CPQ: variants seen among roughly 807,000 people sequenced by gnomAD.
The protein encoded by CPQ is Ser-Met dipeptidase.
In CPQ, 37 loss-of-function variants were observed where a neutral mutation model predicts 45.7. The observed-to-expected ratio is 0.81, with a 90% confidence interval of 0.62 to 1.07. The LOEUF is 1.07. Among genes scored for constraint, CPQ ranks in the 50% least tolerant of loss-of-function variants. The probability of loss-of-function intolerance (pLI) is 0.00; values close to 1 mark genes in which losing one functional copy is unlikely to be tolerated. For missense variants in CPQ, 537 were observed against 572.9 expected (o/e 0.94, Z 0.64); for synonymous variants, 186 against 205.8 (o/e 0.90, Z 0.82).
intron 7 of CPQ, among the ~76,000 whole-genome samples, chr8:97,128,008 T>A (rs2130618302): frequency 6.6e-6 from 1 of 152,386 alleles, no homozygotes; most frequent in Non-Finnish European, 1.5e-5. Flanking sequence ...GTCTTATTGC[T>A]GTAGTAGTCA....
At chr8:96,845,432 C>T (rs1353911899) in intron 3 of CPQ, among the ~76,000 whole-genome samples, 7 of 152,156 alleles carry the variant, frequency 4.6e-5, no homozygotes, top group Non-Finnish European at 1.0e-4. Flanking sequence ...TCATCTAAGA[C>T]AATAGAGAAC....
At chr8:96,929,579 T>C (rs1024448158) in intron 4 of CPQ, among the ~76,000 whole-genome samples, 11 of 152,192 alleles carry the variant, frequency 7.2e-5, no homozygotes, top group Admixed American at 6.6e-4. Context: ...ACTCTCACGG[T>C]TTTGTTCAGC....
chr8:97,056,584 A>G (rs1810458880), intron 6 of CPQ: 1 of 152,116 alleles, frequency 6.6e-6, no homozygotes, highest in Non-Finnish European at 1.5e-5. Context: ...TCCACTTTAA[A>G]TTTTTTGCTA....
chr8:96,989,780 A>C (rs1005426855), intron 5 of CPQ, among the ~76,000 whole-genome samples: 3 of 152,136 alleles, frequency 2.0e-5, no homozygotes, highest in African/African-American at 4.8e-5. Flanking sequence ...TTTCTTCTTC[A>C]GTAGCTTTGA....
intron 3 of CPQ, among the ~76,000 whole-genome samples, chr8:96,868,947 T>G (rs1812029219): frequency 6.6e-6 from 1 of 152,010 alleles, no homozygotes; most frequent in African/African-American, 2.4e-5. Flanking sequence ...TAAATAATTT[T>G]TAGAGCATTT....
At chr8:97,122,720 A>G (rs1181332060) in intron 7 of CPQ, among the ~76,000 whole-genome samples, 1 of 151,242 alleles carries the variant, frequency 6.6e-6, no homozygotes, top group Non-Finnish European at 1.5e-5. Flanking sequence ...TCGCATCTCT[A>G]CTAAAGATAC....
chr8:96,750,931 C>T (rs891605681), intron 1 of CPQ, among the ~76,000 whole-genome samples: 3 of 152,118 alleles, frequency 2.0e-5, no homozygotes, highest in Non-Finnish European at 2.9e-5. Context: ...ATAATGGCTT[C>T]CAGCTCCATC....
intron 4 of CPQ, among the ~76,000 whole-genome samples, chr8:96,942,553 T>C (rs1313541093): frequency 6.6e-6 from 1 of 152,196 alleles, no homozygotes. Context: ...CTATGGCTCC[T>C]CTAGCTGATA....
chr8:97,096,531 A>G (rs1231915939), intron 7 of CPQ, among the ~76,000 whole-genome samples: 2 of 152,224 alleles, frequency 1.3e-5, no homozygotes, highest in African/African-American at 4.8e-5. Flanking sequence ...AAATGGAAAG[A>G]GAGAAAGTTT....
chr8:96,913,809 T>C (rs1812698023), intron 4 of CPQ, among the ~76,000 whole-genome samples: 1 of 152,216 alleles, frequency 6.6e-6, no homozygotes, highest in Non-Finnish European at 1.5e-5. Context: ...TTGTGGTTAT[T>C]TATTTCTTAG....
At chr8:96,777,092 T>C (rs1248565016) in intron 1 of CPQ, among the ~76,000 whole-genome samples, 3 of 152,190 alleles carry the variant, frequency 2.0e-5, no homozygotes, top group Non-Finnish European at 4.4e-5. Context: ...TATTAGTATT[T>C]CAGGGATTTT....
At chr8:96,834,911 G>A in intron 2 of CPQ, 62 bp from the exon 3 acceptor site, 1 of 1,451,840 alleles carries the variant, frequency 6.9e-7, no homozygotes. Context: ...GACCTTTCCT[G>A]TGCCAATTCA....
At chr8:96,959,093 C>CAAT (rs141631539) in intron 4 of CPQ, among the ~76,000 whole-genome samples, 212 of 152,216 alleles carry the variant, frequency 1.4e-3, no homozygotes, top group Non-Finnish European at 2.2e-3. Flanking sequence ...CTGTGCTGGG[C>CAAT]AATAGCACAA....
At chr8:96,875,680 C>T (rs767650511) in intron 3 of CPQ, among the ~76,000 whole-genome samples, 1 of 151,846 alleles carries the variant, frequency 6.6e-6, no homozygotes, top group Non-Finnish European at 1.5e-5. Context: ...CAGTACCATG[C>T]TATCTTGGTT....
intron 1 of CPQ, among the ~76,000 whole-genome samples, chr8:96,737,252 C>A (rs189875803): frequency 0.066 from 8,310 of 125,362 alleles, 327 homozygotes; most frequent in East Asian, 0.19. Flanking sequence ...CACACACACA[C>A]ACAAAAAAAA....
At chr8:96,956,321 T>G (rs907020207) in intron 4 of CPQ, among the ~76,000 whole-genome samples, 4 of 152,162 alleles carry the variant, frequency 2.6e-5, no homozygotes, top group Non-Finnish European at 4.4e-5. Flanking sequence ...TTTTCTGTGC[T>G]TTGGAAAGCA....
At chr8:97,023,016 T>TAATATACTATATAC in intron 5 of CPQ, among the ~76,000 whole-genome samples, 1 of 133,646 alleles carries the variant, frequency 7.5e-6, no homozygotes, top group Admixed American at 7.6e-5. Context: ...ATACTATATA[T>TAATATACTATATAC]AGTATATATA....
chr8:96,978,575 G>A lies in CPQ; in HGVS notation c.961+12529G>A, dbSNP rs118119534. ...TCTTTTCTATCTGACAGTCTGGAAG[G>A]GTGGCAGATGAATGCTATGAGAGGG... On this transcript the variant is annotated intron_variant, in intron 5 of 7. Transcript: ENST00000220763. Among the ~76,000 whole-genome samples, 758 of 152,228 alleles carry A rather than the reference G, an allele frequency of 5.0e-3. 5 individuals are homozygous for A. The highest frequency in any genetic ancestry group is 7.0e-3 in the Non-Finnish European group (479 of 68,014).
rs571274119 is a variant in CPQ at position 96,842,624 on chromosome 8, C to T, written c.641+7444C>T. ...CCCCCTTTCTGATTTTTGGAAGGTA[C>T]ATTCTTTGTTTGGAAAGCCTTTGTT... On this transcript the variant is annotated intron_variant, in intron 3 of 7. Transcript: ENST00000220763. 3.2e-4 allele frequency among the ~76,000 whole-genome samples: 49 copies of T among 152,192 alleles called. No homozygotes were observed. In the South Asian group the frequency reaches 9.5e-3, roughly 30 times the overall value.
Sources: allele counts gnomAD v4.1 joint callset (sites outside exome capture counted in the v4.1 genomes callset), GRCh38; gene constraint gnomAD v4.1.1; transcripts MANE v1.5; gene names NCBI Gene and HGNC (gene_info 2026-07-23, HGNC 2026-07-21).